Variants in SLFN11 observed in about 807,000 individuals in gnomAD.
SLFN11 encodes the protein schlafen family member 11.
SLFN11 carries 43 observed loss-of-function variants against 53.4 expected under a neutral mutation model. That is an observed-to-expected ratio of 0.80 (90% CI 0.63 to 1.04). SLFN11 has a LOEUF of 1.04. Among genes scored for constraint, SLFN11 ranks in the 50% least tolerant of loss-of-function variants. The probability of loss-of-function intolerance (pLI) is 0.00; values close to 1 mark genes in which losing one functional copy is unlikely to be tolerated. For missense variants in SLFN11, 990 were observed against 1,079.1 expected, an observed-to-expected ratio of 0.92 and a Z score of 1.16; for synonymous variants, 389 against 394.7, an observed-to-expected ratio of 0.99 and a Z score of 0.17.
intron 1 of SLFN11, among the ~76,000 whole-genome samples, chr17:35,370,806 A>G (rs759848094): frequency 8.5e-5 from 13 of 152,116 alleles, no homozygotes; most frequent in Non-Finnish European, 1.3e-4. Flanking sequence ...TCATGATGAA[A>G]GAAATTGAAG....
In SLFN11 at chr17:35,356,287, G is replaced by A. The variant is rs1441935477; in HGVS notation, c.1199-2228C>T. 2.0e-5 allele frequency among the ~76,000 whole-genome samples: 3 copies of A among 151,982 alleles called. No homozygotes were observed. In the East Asian group the frequency reaches 5.8e-4, roughly 29 times the overall value. On this transcript the variant is annotated intron_variant, in intron 5 of 6. Transcript: ENST00000685675. The stretch of plus-strand genomic sequence containing the variant: ...TTCTAATTGTAAAAGTATAAACATA[G>A]TTTGTTTACCACCATTAATGTTCAA...
intron 4 of SLFN11, 70 bp downstream of exon 4, chr17:35,362,669 A>G: frequency 7.8e-7 from 1 of 1,283,888 alleles, no homozygotes; most frequent in Non-Finnish European, 1.1e-6. Flanking sequence ...TAGGCAGCAA[A>G]GGAAAATTTA....
rs760933566 is a variant in SLFN11 at position 35,354,820 on chromosome 17, G to A, written c.1199-761C>T. Among the ~76,000 whole-genome samples, 63 of 152,216 alleles carry A rather than the reference G, an allele frequency of 4.1e-4. 1 individual carries two copies. The highest frequency in any genetic ancestry group is 7.5e-4 in the Non-Finnish European group (51 of 68,018). ...AGATAATTGTTGTCCTGTTGTGGTA[G>A]TGTTAGAGTACAAACCCAAATCAAG... On this transcript the variant is annotated intron_variant, in intron 5 of 6. Transcript: ENST00000685675.
Position 35,353,857 on chromosome 17 carries a change from G to C in SLFN11, c.1401C>G (p.Asn467Lys), listed in dbSNP as rs1410531191. Residue 467 changes from asparagine to lysine, a missense_variant, in exon 6 of 7, where the codon AAC becomes AAG. Transcript: ENST00000685675. Reference sequence around the variant, plus strand: ...GAATGGTGTAGAGAATGGGGGTGCTGTTCTGTGCTATCAGCAGAGCATCAC... The same window carrying C: ...GAATGGTGTAGAGAATGGGGGTGCTCTTCTGTGCTATCAGCAGAGCATCAC... ...VICDALLIAQ[N>K]STPILYTILR... 2 of 1,607,772 alleles carry C rather than the reference G, an allele frequency of 1.2e-6. No homozygotes were observed. The highest frequency in any genetic ancestry group is 1.3e-5 in the African/African-American group (1 of 74,196).
Position 35,351,863 on chromosome 17 carries a change from G to A in SLFN11, c.*493C>T, listed in dbSNP as rs1906725622. 1 of 157,594 alleles carries A rather than the reference G, an allele frequency of 6.3e-6. No homozygotes were observed. Among genetic ancestry groups the A allele is most frequent in the African/African-American group, 2.4e-5 (1 of 41,478 alleles). 9.8% of individuals were successfully genotyped at this position (157,594 alleles called of 1,614,324 possible). The stretch of plus-strand genomic sequence containing the variant: ...CTTCGGACTCTCCCAAGCCCTAAAT[G>A]AATACAGCAAAGATAAATGTCAAGA... On this transcript the variant is annotated 3_prime_UTR_variant, in exon 7 of 7. Transcript: ENST00000685675.
intron 5 of SLFN11, among the ~76,000 whole-genome samples, chr17:35,358,748 G>A (rs1421031739): frequency 6.6e-6 from 1 of 151,994 alleles, no homozygotes; most frequent in East Asian, 1.9e-4. Context: ...CTGGAATTCT[G>A]TCTTTGCATC....
chr17:35,368,749 G>A (rs1909276635), intron 1 of SLFN11, among the ~76,000 whole-genome samples: 1 of 152,060 alleles, frequency 6.6e-6, no homozygotes, highest in Admixed American at 6.6e-5. Context: ...TTCCATTTGA[G>A]GAGAGAAGAG....
Position 35,352,776 on chromosome 17 carries a change from CT to C in SLFN11, c.2285del (p.Glu762GlyfsTer22). On this transcript the variant is annotated frameshift_variant, in exon 7 of 7. Coordinates refer to ENST00000685675, the MANE Select transcript of SLFN11 (RefSeq NM_001376007.1). LOFTEE classifies it low-confidence loss of function (END_TRUNC). ...GGGACCATTCGGCTTCAGGAAATAC[CT>C]CGAGGCACCCAGTGGGGATGTTAAA... ...PSFNIPTGCL[E>X]VFPEAEWSQG... 2.5e-6 allele frequency: 4 copies of C among 1,614,194 alleles called. No individual in the cohort carries two copies. Among genetic ancestry groups the C allele is most frequent in the Non-Finnish European group, 3.4e-6 (4 of 1,180,040 alleles).
intron 3 of SLFN11, among the ~76,000 whole-genome samples, chr17:35,365,179 G>A (rs186125964): frequency 5.9e-5 from 9 of 152,222 alleles, no homozygotes; most frequent in Non-Finnish European, 1.2e-4. Flanking sequence ...TAGGCTTATC[G>A]CTTTGGTGGG....
chr17:35,353,350 C>T lies in SLFN11; in HGVS notation c.1908G>A (p.Leu636=). The T allele has an allele frequency of 6.2e-7, 1 of 1,613,170 alleles. No homozygotes were observed. The highest frequency in any genetic ancestry group is 8.5e-7 in the Non-Finnish European group (1 of 1,179,686). ...RILYVCENQP[L]RNFISDRNIC... ...CAACTGCTTACCTGATAAAGTTCCTCAGAGGCTGGTTTTCACAAACGTAGA... is the reference window on the plus strand; with the variant it reads ...CAACTGCTTACCTGATAAAGTTCCTTAGAGGCTGGTTTTCACAAACGTAGA... The change falls in exon 6 of 7, where the codon CTG becomes CTA. Residue 636 remains leucine, a synonymous_variant. Transcript: ENST00000685675.
chr17:35,373,001 T>C (rs968536442), intron 1 of SLFN11, among the ~76,000 whole-genome samples: 3 of 152,092 alleles, frequency 2.0e-5, no homozygotes, highest in Admixed American at 1.3e-4. Context: ...TTAGTTTCTA[T>C]ATTAAGGAAA....
chr17:35,352,915 G>C lies in SLFN11; in HGVS notation c.2147C>G (p.Pro716Arg), dbSNP rs761961517. 1.9e-6 allele frequency: 3 copies of C among 1,614,046 alleles called. No homozygotes were observed. The highest frequency in any genetic ancestry group is 1.3e-5 in the African/African-American group (1 of 74,906). ...TCTTGGATATTGGTCTGAGAGAGGA[G>C]GGAGGCCACTGCAATCCAAGTGGCT... The part of the protein sequence containing the change: ...QTSHLDCSGL[P>R]PLSDQYPREE... The change falls in exon 7 of 7, where the codon CCT becomes CGT. Residue 716 changes from proline (P) to arginine (R), a missense_variant. By Grantham distance (103) the Pro-to-Arg change is moderately radical. Coordinates refer to ENST00000685675, the MANE Select transcript of SLFN11 (RefSeq NM_001376007.1).
chr17:35,359,978 T>A (rs1470988736), intron 5 of SLFN11: 3 of 339,906 alleles, frequency 8.8e-6, no homozygotes, highest in East Asian at 7.4e-5. Flanking sequence ...ACACTGATGA[T>A]CAGCCAGATT....
Position 35,352,234 on chromosome 17 carries a change from C to A in SLFN11, c.*122G>T, listed in dbSNP as rs1365028524. On this transcript the variant is annotated 3_prime_UTR_variant, in exon 7 of 7. Coordinates refer to ENST00000685675, the MANE Select transcript of SLFN11 (RefSeq NM_001376007.1). The stretch of plus-strand genomic sequence containing the variant: ...GAAAGGAGAGCCAGAAATGGGGGAG[C>A]TCCAAACTCTTTGTGTCAGCTCCGT... The A allele has an allele frequency of 1.5e-6, 2 of 1,291,780 alleles. No homozygotes were observed. The highest frequency in any genetic ancestry group is 2.3e-5 in the Admixed American group (1 of 43,808). 80.0% of individuals were successfully genotyped at this position (1,291,780 alleles called of 1,614,324 possible). A position where few individuals can be genotyped will look rare whatever the true frequency, so the allele number is the denominator to read the frequency against.
At chr17:35,365,560 C>G (rs1312798567) in intron 3 of SLFN11, among the ~76,000 whole-genome samples, 1 of 152,074 alleles carries the variant, frequency 6.6e-6, no homozygotes, top group Non-Finnish European at 1.5e-5. Flanking sequence ...TCCCAAAGTG[C>G]TAGGGATTAT....
chr17:35,373,327 AAAC>A (rs1909934666), intron 1 of SLFN11, 144 bp downstream of exon 1: 1 of 139,816 alleles, frequency 7.2e-6, no homozygotes, highest in Non-Finnish European at 1.5e-5. Flanking sequence ...CCTGCTGAGC[AAAC>A]TAGCTGGGCC....
At chr17:35,367,427 TG>T (rs2141983345) in intron 2 of SLFN11, 175 bp downstream of exon 2, 1 of 152,272 alleles carries the variant, frequency 6.6e-6, no homozygotes, top group East Asian at 1.9e-4. Context: ...CAGCATCACT[TG>T]CACATTTTTT....
intron 4 of SLFN11, among the ~76,000 whole-genome samples, chr17:35,362,291 T>C (rs577915414): frequency 1.3e-5 from 2 of 152,054 alleles, no homozygotes; most frequent in Admixed American, 6.6e-5. Context: ...GCAAAGATAA[T>C]AGTGAAATGT....
At chr17:35,367,223 G>A (rs547753983) in intron 2 of SLFN11, 160 bp from the exon 3 acceptor site, 2 of 151,984 alleles carry the variant, frequency 1.3e-5, no homozygotes, top group South Asian at 2.1e-4. Context: ...TATTCCTTTC[G>A]ATGTACAGGG....
Sources: gnomAD v4.1 joint callset for allele counts (sites outside exome capture counted in the v4.1 genomes callset) on GRCh38, gnomAD v4.1.1 for gene constraint, MANE v1.5 for transcripts, NCBI Gene and HGNC (gene_info 2026-07-23, HGNC 2026-07-21) for gene names.